Variants in KYAT3 observed in about 807,000 individuals in gnomAD.
KYAT3 encodes the protein kynurenine--oxoglutarate transaminase 3.
In KYAT3, 50 loss-of-function variants were observed where a neutral mutation model predicts 59.0. That is an observed-to-expected ratio of 0.85 (90% confidence interval 0.68 to 1.07). The LOEUF (loss-of-function observed/expected upper bound fraction) is 1.07. Among genes scored for constraint, KYAT3 ranks in the 50% least tolerant of loss-of-function variants. The pLI is 0.00. For missense variants in KYAT3, 497 were observed against 533.3 expected (o/e 0.93, Z 0.67); for synonymous variants, 148 against 177.0 (o/e 0.84, Z 1.30).
At chr1:88,936,693 T>C (rs958909343) in intron 13 of KYAT3, among the ~76,000 whole-genome samples, 1 of 119,166 alleles carries the variant, frequency 8.4e-6, no homozygotes, top group African/African-American at 2.6e-5. Flanking sequence ...TTCACACTAC[T>C]CTGCCCCTTG....
rs941326432 is a variant in KYAT3, at chr1:88,943,022, G to A, written c.1285C>T (p.Arg429Cys). 6.2e-6 allele frequency: 10 copies of A among 1,612,026 alleles called. No individual in the cohort carries two copies. Among genetic ancestry groups the A allele is most frequent in the Middle Eastern group, 1.6e-4 (1 of 6,082 alleles). ...GAACTTACTTTAATGAAGCAAAAACGCACAAACTTCTCAAACTGTGATTTA... is the reference window on the plus strand; with the variant it reads ...GAACTTACTTTAATGAAGCAAAAACACACAAACTTCTCAAACTGTGATTTA... Reference protein sequence around the residue: ...ETKSQFEKFVRFCFIKKDSTL... With the variant: ...ETKSQFEKFVCFCFIKKDSTL... Residue 429 changes from arginine (R) to cysteine (C), a missense_variant, in exon 13 of 14, where the codon CGT becomes TGT. Around this residue, in one of 2 missense-constraint regions of KYAT3, gnomAD observed 28 missense variants for 54.2 expected, o/e 0.52. Coordinates refer to ENST00000260508, the MANE Select transcript of KYAT3 (RefSeq NM_001008661.3).
chr1:88,991,434 T>A (rs1677787657), intron 1 of KYAT3, among the ~76,000 whole-genome samples: 2 of 152,238 alleles, frequency 1.3e-5, no homozygotes, highest in South Asian at 4.1e-4. Context: ...CCGCCCACAC[T>A]GTTACAAGAG....
At chr1:88,946,061 T>A (rs917431578) in intron 11 of KYAT3, among the ~76,000 whole-genome samples, 1 of 152,232 alleles carries the variant, frequency 6.6e-6, no homozygotes, top group Admixed American at 6.5e-5. Context: ...TAATGTAATA[T>A]TCTGAGTTTT....
chr1:88,978,348 C>CT (rs1210211317), intron 2 of KYAT3, among the ~76,000 whole-genome samples: 63 of 148,824 alleles, frequency 4.2e-4, no homozygotes, highest in Admixed American at 3.4e-4. Flanking sequence ...GTTGTGGTGT[C>CT]TTTTTTTTTT....
downstream of KYAT3, among the ~76,000 whole-genome samples, chr1:88,934,757 C>A (rs552670106): frequency 6.6e-6 from 1 of 152,126 alleles, no homozygotes; most frequent in South Asian, 2.1e-4. Flanking sequence ...TTTAAGGGAG[C>A]CGATAGAAAT....
intron 13 of KYAT3, among the ~76,000 whole-genome samples, chr1:88,938,869 A>G (rs886219952): frequency 6.6e-6 from 1 of 152,244 alleles, no homozygotes; most frequent in Non-Finnish European, 1.5e-5. Context: ...TGTTTACAAT[A>G]TTTTGCTATT....
chr1:88,930,952 A>G (rs1282081944), downstream of KYAT3, among the ~76,000 whole-genome samples: 1 of 152,206 alleles, frequency 6.6e-6, no homozygotes, highest in Non-Finnish European at 1.5e-5. Flanking sequence ...TGCTTATAGA[A>G]GGACCCCTAG....
chr1:88,948,428 T>C (rs1262787106), intron 11 of KYAT3, among the ~76,000 whole-genome samples: 20 of 152,222 alleles, frequency 1.3e-4, no homozygotes. Flanking sequence ...CTTCTAACTT[T>C]AGATTTGTAT....
intron 2 of KYAT3, among the ~76,000 whole-genome samples, chr1:88,978,122 TTATGTA>T (rs1676883030): frequency 1.3e-5 from 2 of 152,132 alleles, no homozygotes; most frequent in South Asian, 2.1e-4. Flanking sequence ...TATGTATATG[TTATGTA>T]TATTTTGATG....
intron 13 of KYAT3, among the ~76,000 whole-genome samples, chr1:88,942,148 C>A (rs1248077453): frequency 2.0e-5 from 3 of 151,914 alleles, no homozygotes; most frequent in Admixed American, 2.0e-4. Flanking sequence ...TGGATAATTT[C>A]TATTAATCTG....
intron 11 of KYAT3, among the ~76,000 whole-genome samples, chr1:88,947,978 G>C (rs984876134): frequency 2.0e-5 from 3 of 152,194 alleles, no homozygotes; most frequent in African/African-American, 7.2e-5. Flanking sequence ...TGTGGTCCCA[G>C]CTACTCAGGA....
At chr1:88,974,602 G>A (rs2101064255) in intron 2 of KYAT3, among the ~76,000 whole-genome samples, 1 of 151,454 alleles carries the variant, frequency 6.6e-6, no homozygotes, top group East Asian at 1.9e-4. Context: ...GCCTGGGACT[G>A]AGAGATGAAG....
intron 13 of KYAT3, among the ~76,000 whole-genome samples, chr1:88,940,092 C>G (rs925007050): frequency 6.6e-6 from 1 of 151,900 alleles, no homozygotes; most frequent in Non-Finnish European, 1.5e-5. Flanking sequence ...TTTTTTGAGA[C>G]AGAGTCTGAC....
At position 88,969,222 on chromosome 1, in the gene KYAT3, T is replaced by C. The variant is rs376932765; in HGVS notation, c.158+187A>G. Among the ~76,000 whole-genome samples, 3 of 152,358 alleles carry C rather than the reference T, an allele frequency of 2.0e-5. No individual in the cohort carries two copies. The East Asian group carries it at 5.8e-4, about 29-fold the overall frequency. On this transcript the variant is annotated intron_variant, in intron 3 of 13. Coordinates refer to ENST00000260508, the MANE Select transcript of KYAT3 (RefSeq NM_001008661.3). ...TATGTCCAGTGTCCAGCAAAGGGCA[T>C]GGCACATGTGCCAAATGAACAATTC...
At position 88,975,023 on chromosome 1, in the gene KYAT3, C is replaced by G. The variant is rs571740442; in HGVS notation, c.100-5556G>C. On this transcript the variant is annotated intron_variant, in intron 2 of 13. Transcript: ENST00000260508. Reference sequence around the variant, plus strand: ...TGGAAGCTTTGTTCTTTTCACACTTCATAATAAATCTTGCTGCTGCTCACT... The same window carrying G: ...TGGAAGCTTTGTTCTTTTCACACTTGATAATAAATCTTGCTGCTGCTCACT... 7.2e-5 allele frequency among the ~76,000 whole-genome samples: 11 copies of G among 152,326 alleles called. No individual in the cohort carries two copies. The South Asian group carries it at 2.3e-3, about 32-fold the overall frequency.
chr1:88,964,838 C>G lies in KYAT3; in HGVS notation c.444G>C (p.Glu148Asp), dbSNP rs751808452. 3 of 1,591,348 alleles carry G rather than the reference C, an allele frequency of 1.9e-6. No individual in the cohort carries two copies. Among genetic ancestry groups the G allele is most frequent in the Non-Finnish European group, 2.6e-6 (3 of 1,171,330 alleles). ...ATGTTAATATACTTACTTCATCTCC[C>G]TCATCAATTAATGCTTGAATGGTGT... Reference protein sequence around the residue: ...LFNTIQALIDEGDEVILIVPF... With the variant: ...LFNTIQALIDDGDEVILIVPF... Residue 148 changes from glutamate (E) to aspartate (D), a missense_variant, in exon 5 of 14, where the codon GAG becomes GAC. By Grantham distance (45) the Glu-to-Asp change is conservative. Transcript: ENST00000260508.
downstream of KYAT3, among the ~76,000 whole-genome samples, chr1:88,933,060 T>C (rs890149174): frequency 3.3e-5 from 5 of 152,186 alleles, no homozygotes; most frequent in African/African-American, 1.2e-4. Flanking sequence ...GCTGTCTCCC[T>C]TCCCTCCTTT....
intron 13 of KYAT3, among the ~76,000 whole-genome samples, chr1:88,942,635 T>A (rs564163211): frequency 6.6e-6 from 1 of 152,240 alleles, no homozygotes; most frequent in Non-Finnish European, 1.5e-5. Flanking sequence ...CGATCTCGGC[T>A]CACTGCAAGC....
chr1:88,952,054 C>G (rs1675696349), intron 10 of KYAT3, among the ~76,000 whole-genome samples: 1 of 152,178 alleles, frequency 6.6e-6, no homozygotes, highest in Admixed American at 6.5e-5. Context: ...GCAATGCCAG[C>G]ACCTTGATTT....
Sources: gnomAD v4.1 joint callset for allele counts (sites outside exome capture counted in the v4.1 genomes callset) on GRCh38, gnomAD v4.1.1 for gene constraint, gnomAD v4.1.1 regional missense constraint, MANE v1.5 for transcripts, NCBI Gene and HGNC (gene_info 2026-07-23, HGNC 2026-07-21) for gene names.